Variants in PAX5 observed in about 807,000 individuals in gnomAD.
The protein encoded by PAX5 is paired box protein Pax-5.
Under a neutral mutation model 43.7 loss-of-function variants are expected in PAX5, and 9 were observed. That is an observed-to-expected ratio of 0.21 (90% CI 0.12 to 0.36). PAX5 has a LOEUF of 0.36. PAX5 is among the 10% of genes least tolerant of loss of function. The probability of loss-of-function intolerance (pLI) is 1.00; values close to 1 mark genes in which losing one functional copy is unlikely to be tolerated. For missense variants in PAX5, 383 were observed against 532.7 expected (o/e 0.72, Z 2.77); for synonymous variants, 228 against 214.3 (o/e 1.06, Z -0.56).
intron 1 of PAX5, among the ~76,000 whole-genome samples, chr9:37,025,731 C>T (rs576801509): frequency 6.6e-6 from 1 of 152,372 alleles, no homozygotes; most frequent in Non-Finnish European, 1.5e-5. Context: ...GCCGGCCTTG[C>T]CCTCGCCCTA....
At chr9:36,873,767 C>G (rs1367501707) in intron 8 of PAX5, among the ~76,000 whole-genome samples, 1 of 152,208 alleles carries the variant, frequency 6.6e-6, no homozygotes, top group Admixed American at 6.5e-5. Flanking sequence ...CTGGACCCTC[C>G]CAAGTCTGCC....
intron 6 of PAX5, among the ~76,000 whole-genome samples, chr9:36,945,093 ATGACGGAGACGCCAAAGTTCCTCT>A (rs1241996783): frequency 2.6e-5 from 4 of 152,234 alleles, no homozygotes; most frequent in Non-Finnish European, 4.4e-5. Context: ...AGATCTATAG[ATGACGGAGACGCCAAAGTTCCTCT>A]CTGTATAACA....
chr9:36,971,813 T>A (rs1025317172), intron 5 of PAX5, among the ~76,000 whole-genome samples: 5 of 152,208 alleles, frequency 3.3e-5, no homozygotes, highest in African/African-American at 1.2e-4. Context: ...ACAACCCAGC[T>A]TTGAAGCTAA....
At chr9:36,895,263 C>T (rs961432315) in intron 7 of PAX5, among the ~76,000 whole-genome samples, 3 of 152,198 alleles carry the variant, frequency 2.0e-5, no homozygotes, top group African/African-American at 7.2e-5. Context: ...CCGCCGAATC[C>T]GCCGAATGCA....
chr9:36,916,112 T>C (rs1018201098), intron 7 of PAX5, among the ~76,000 whole-genome samples: 1 of 152,122 alleles, frequency 6.6e-6, no homozygotes, highest in Non-Finnish European at 1.5e-5. Flanking sequence ...ATGACTTCAT[T>C]TTTGATATTT....
At chr9:37,020,331 C>A (rs184891530) in intron 2 of PAX5, among the ~76,000 whole-genome samples, 41 of 152,246 alleles carry the variant, frequency 2.7e-4, no homozygotes, top group African/African-American at 9.4e-4. Flanking sequence ...GACCCAGGCT[C>A]ACCTAGGATA....
In PAX5 at chr9:37,001,618, C is replaced by T. The variant is rs80131596; in HGVS notation, c.604+1030G>A. On this transcript the variant is annotated intron_variant, in intron 5 of 9. Coordinates refer to ENST00000358127, the MANE Select transcript of PAX5 (RefSeq NM_016734.3). ...GGCTCTGCTTCTGCACTGCTGGCAA[C>T]ACGCAGACCACAGGCCAATCCACGG... Among the ~76,000 whole-genome samples the T allele has an allele frequency of 9.1e-3, 1,380 of 152,332 alleles. 21 individuals are homozygous for T. Among genetic ancestry groups the T allele is most frequent in the African/African-American group, 0.032 (1,327 of 41,574 alleles).
intron 6 of PAX5, among the ~76,000 whole-genome samples, chr9:36,956,061 T>C (rs1193826870): frequency 6.6e-6 from 1 of 152,222 alleles, no homozygotes; most frequent in African/African-American, 2.4e-5. Context: ...TGTTCTTTTG[T>C]CTTTTTTTTG....
intron 8 of PAX5, among the ~76,000 whole-genome samples, chr9:36,866,970 C>G (rs1036450525): frequency 1.3e-5 from 2 of 149,468 alleles, no homozygotes; most frequent in Admixed American, 1.4e-4. Context: ...AAAGGCAAGG[C>G]CCTCGGCTAG....
intron 4 of PAX5, 74 bp downstream of exon 4, chr9:37,006,398 TA>T: frequency 9.1e-7 from 1 of 1,102,862 alleles, no homozygotes; most frequent in Non-Finnish European, 1.4e-6. Flanking sequence ...TATCTGTCCA[TA>T]AGAATGATTA....
chr9:36,902,745 C>T (rs1242428973), intron 7 of PAX5, among the ~76,000 whole-genome samples: 5 of 152,222 alleles, frequency 3.3e-5, no homozygotes, highest in Non-Finnish European at 5.9e-5. Context: ...AATGAAGCCA[C>T]AGGTATCTGT....
chr9:36,954,218 G>T (rs1449552511), intron 6 of PAX5, among the ~76,000 whole-genome samples: 1 of 152,068 alleles, frequency 6.6e-6, no homozygotes, highest in Admixed American at 6.5e-5. Context: ...ACTAAAGTAA[G>T]GTTTCATGTT....
chr9:36,971,569 A>G (rs984916809), intron 5 of PAX5, among the ~76,000 whole-genome samples: 6 of 152,218 alleles, frequency 3.9e-5, no homozygotes, highest in East Asian at 1.9e-4. Flanking sequence ...GCTTAAATAT[A>G]TGGACAGACA....
chr9:36,888,787 C>T (rs1304326987), intron 7 of PAX5, among the ~76,000 whole-genome samples: 1 of 152,210 alleles, frequency 6.6e-6, no homozygotes, highest in African/African-American at 2.4e-5. Context: ...GCTCTGCAGG[C>T]GGCAGGCTTG....
intron 9 of PAX5, 63 bp from the exon 10 acceptor site, chr9:36,840,699 C>G (rs565616886): frequency 9.8e-7 from 1 of 1,017,384 alleles, no homozygotes; most frequent in Non-Finnish European, 1.5e-6. Context: ...CAGTCTCCTC[C>G]ACTTCTGTCC....
intron 5 of PAX5, among the ~76,000 whole-genome samples, chr9:36,982,091 C>T (rs1218678416): frequency 6.6e-6 from 1 of 152,094 alleles, no homozygotes; most frequent in Non-Finnish European, 1.5e-5. Flanking sequence ...ATGGCAAAAC[C>T]CCACCTCTAG....
chr9:36,890,028 G>C (rs1406523607), intron 7 of PAX5, among the ~76,000 whole-genome samples: 1 of 150,658 alleles, frequency 6.6e-6, no homozygotes, highest in Non-Finnish European at 1.5e-5. Flanking sequence ...GGTTCTCATC[G>C]TGTGGCAGTA....
At chr9:36,907,587 C>A (rs977761524) in intron 7 of PAX5, among the ~76,000 whole-genome samples, 1 of 152,208 alleles carries the variant, frequency 6.6e-6, no homozygotes, top group South Asian at 2.1e-4. Context: ...GCTGTTCAGC[C>A]ACACTGCTAG....
At chr9:37,032,456 G>A (rs190761404) in intron 1 of PAX5, among the ~76,000 whole-genome samples, 8 of 152,294 alleles carry the variant, frequency 5.3e-5, no homozygotes. Flanking sequence ...GAGAATTGAG[G>A]ATGGAGAAGA....
Sources: allele counts gnomAD v4.1 joint callset (sites outside exome capture counted in the v4.1 genomes callset), GRCh38; gene constraint gnomAD v4.1.1; transcripts MANE v1.5; gene names NCBI Gene and HGNC (gene_info 2026-07-23, HGNC 2026-07-21).